The following PTPRN2 variants were observed in gnomAD, a reference collection of about 807,000 sequenced individuals.
PTPRN2 encodes the protein protein tyrosine phosphatase receptor type N2.
In PTPRN2, 74 loss-of-function variants were observed where a neutral mutation model predicts 118.8. The observed-to-expected ratio is 0.62, with a 90% CI of 0.52 to 0.76. PTPRN2 has a LOEUF of 0.76. Ranked by LOEUF, PTPRN2 falls within the 30% of genes least tolerant of loss-of-function variation. The pLI is 0.00. For missense variants in PTPRN2, 1,481 were observed against 1,394.4 expected, an observed-to-expected ratio of 1.06 and a Z score of -0.99; for synonymous variants, 641 against 608.0, an observed-to-expected ratio of 1.05 and a Z score of -0.80.
At chr7:158,489,513 A>C (rs979903853) in intron 2 of PTPRN2, among the ~76,000 whole-genome samples, 37 of 152,364 alleles carry the variant, frequency 2.4e-4, no homozygotes, top group Middle Eastern at 3.4e-3. Flanking sequence ...TCAGAAAGCA[A>C]GGGTTGGTGC....
At chr7:157,745,376 C>CGG (rs1030649823) in intron 12 of PTPRN2, among the ~76,000 whole-genome samples, 44 of 144,372 alleles carry the variant, frequency 3.0e-4, no homozygotes, top group Non-Finnish European at 6.4e-4. Flanking sequence ...GGCTGAGAGC[C>CGG]GGGGGTGGTC....
chr7:158,569,107 A>G (rs1432743004), intron 1 of PTPRN2, among the ~76,000 whole-genome samples: 1 of 152,254 alleles, frequency 6.6e-6, no homozygotes, highest in African/African-American at 2.4e-5. Flanking sequence ...AGCCTGGGCG[A>G]CAGAGCAAGA....
In PTPRN2 at chr7:158,211,549, T is replaced by C. The variant is rs566586915; in HGVS notation, c.278-6276A>G. 3.3e-5 allele frequency among the ~76,000 whole-genome samples: 5 copies of C among 152,172 alleles called. No homozygotes were observed. In the South Asian group the frequency reaches 1.0e-3, roughly 32 times the overall value. ...AATAATCTAACTTTAAATGGGCAAA[T>C]AGATATAACTCTGAATAGACATTTC... On this transcript the variant is annotated intron_variant, in intron 3 of 22. Coordinates refer to ENST00000389418, the MANE Select transcript of PTPRN2 (RefSeq NM_002847.5).
intron 11 of PTPRN2, among the ~76,000 whole-genome samples, chr7:157,962,232 TA>T (rs1801590871): frequency 6.6e-6 from 1 of 152,240 alleles, no homozygotes; most frequent in South Asian, 2.1e-4. Flanking sequence ...CATAAACGAT[TA>T]CAAATATTTG....
intron 12 of PTPRN2, among the ~76,000 whole-genome samples, chr7:157,730,188 G>GCCC (rs60143150): frequency 5.9e-4 from 89 of 150,748 alleles, no homozygotes; most frequent in South Asian, 5.3e-3. Flanking sequence ...CACCACCCCT[G>GCCC]CCCCCCCCCG....
intron 6 of PTPRN2, among the ~76,000 whole-genome samples, chr7:158,149,125 A>G (rs1820598171): frequency 6.7e-6 from 1 of 149,036 alleles, no homozygotes; most frequent in Admixed American, 6.7e-5. Flanking sequence ...CCTCAATGAC[A>G]CCCCATCTCA....
At chr7:157,558,031 A>T (rs899448039) in intron 21 of PTPRN2, among the ~76,000 whole-genome samples, 2 of 117,968 alleles carry the variant, frequency 1.7e-5, no homozygotes, top group African/African-American at 3.2e-5. Flanking sequence ...GGCAGCATCA[A>T]CGCGGAGACA....
intron 2 of PTPRN2, among the ~76,000 whole-genome samples, chr7:158,415,355 T>C (rs1000225928): frequency 1.1e-4 from 16 of 152,358 alleles, no homozygotes; most frequent in African/African-American, 3.8e-4. Context: ...GCAGCCTTGC[T>C]GCCTGGGTTT....
In PTPRN2 at chr7:157,624,894, A is replaced by T. The variant is rs111921625; in HGVS notation, c.2197-3385T>A. 5.5e-3 allele frequency among the ~76,000 whole-genome samples: 845 copies of T among 152,356 alleles called. 7 individuals carry two copies. Among genetic ancestry groups the T allele is most frequent in the African/African-American group, 0.019 (797 of 41,584 alleles). On this transcript the variant is annotated intron_variant, in intron 14 of 22. Transcript: ENST00000389418. Reference sequence around the variant, plus strand: ...AAACAAATCAGTAAGAAAAAAAAACACAATCCTATCAAAAAGTGGGCTAAG... The same window carrying T: ...AAACAAATCAGTAAGAAAAAAAAACTCAATCCTATCAAAAAGTGGGCTAAG...
intron 15 of PTPRN2, among the ~76,000 whole-genome samples, chr7:157,606,821 TAGTG>T (rs1802028877): frequency 6.6e-6 from 1 of 152,256 alleles, no homozygotes; most frequent in Non-Finnish European, 1.5e-5. Context: ...TTGGAAAACT[TAGTG>T]AGTGTTTTAA....
In PTPRN2 at chr7:158,329,536, C is replaced by T. The variant is rs919477738; in HGVS notation, c.164-12604G>A. 5.3e-4 allele frequency among the ~76,000 whole-genome samples: 80 copies of T among 152,268 alleles called. 1 individual carries two copies. The highest frequency in any genetic ancestry group is 1.5e-3 in the African/African-American group (62 of 41,556). ...CCACATGAGGACACGTGAGGAGGCA[C>T]CGTCGATGAGCCAGGAGGGGACTCG... is the stretch of plus-strand genomic sequence containing the variant. On this transcript the variant is annotated intron_variant, in intron 2 of 22. Transcript: ENST00000389418.
At chr7:158,442,969 AT>A (rs1817455815) in intron 2 of PTPRN2, among the ~76,000 whole-genome samples, 1 of 151,872 alleles carries the variant, frequency 6.6e-6, no homozygotes, top group Non-Finnish European at 1.5e-5. Flanking sequence ...ATATTTATAA[AT>A]CTAGAGCATA....
At chr7:158,285,679 C>A (rs1799721704) in intron 3 of PTPRN2, among the ~76,000 whole-genome samples, 2 of 152,206 alleles carry the variant, frequency 1.3e-5, no homozygotes, top group African/African-American at 4.8e-5. Flanking sequence ...GTGAAGAGCC[C>A]TTATGCTCTC....
At chr7:158,258,127 G>A (rs910577260) in intron 3 of PTPRN2, among the ~76,000 whole-genome samples, 11 of 152,218 alleles carry the variant, frequency 7.2e-5, no homozygotes, top group East Asian at 3.9e-4. Context: ...AAGCGGGCAC[G>A]TAAGAACAGC....
intron 11 of PTPRN2, among the ~76,000 whole-genome samples, chr7:158,056,326 AG>A (rs910071804): frequency 6.6e-6 from 1 of 152,190 alleles, no homozygotes; most frequent in Non-Finnish European, 1.5e-5. Context: ...GGCCGGGAGC[AG>A]GGGGGCACAC....
intron 14 of PTPRN2, among the ~76,000 whole-genome samples, chr7:157,631,908 A>T (rs562637557): frequency 6.6e-6 from 1 of 152,222 alleles, no homozygotes; most frequent in East Asian, 1.9e-4. Flanking sequence ...CTTTTTTCAA[A>T]GTCCTGTTAG....
chr7:157,924,471 G>A (rs559935282), intron 11 of PTPRN2, among the ~76,000 whole-genome samples: 7 of 152,278 alleles, frequency 4.6e-5, no homozygotes, highest in South Asian at 2.1e-4. Flanking sequence ...TACCCTGGAC[G>A]CCTCCAAAGG....
At chr7:158,178,785 G>C (rs1824441890) in intron 5 of PTPRN2, among the ~76,000 whole-genome samples, 1 of 151,606 alleles carries the variant, frequency 6.6e-6, no homozygotes, top group Non-Finnish European at 1.5e-5. Flanking sequence ...TTTTAGTAGA[G>C]ACGAGGTTTC....
intron 9 of PTPRN2, among the ~76,000 whole-genome samples, chr7:158,125,573 C>T (rs1339175101): frequency 1.3e-5 from 2 of 152,196 alleles, no homozygotes; most frequent in African/African-American, 4.8e-5. Flanking sequence ...GGGGCTATAA[C>T]CCCACACCAC....
Sources: gnomAD v4.1 joint callset for allele counts (sites outside exome capture counted in the v4.1 genomes callset) on GRCh38, gnomAD v4.1.1 for gene constraint, MANE v1.5 for transcripts, NCBI Gene and HGNC (gene_info 2026-07-23, HGNC 2026-07-21) for gene names.